Variants in ARHGAP21 observed in about 807,000 individuals in gnomAD.
The protein encoded by ARHGAP21 is Rho GTPase activating protein 21.
In ARHGAP21, 38 loss-of-function variants were observed where a neutral mutation model predicts 164.6. The observed-to-expected ratio is 0.23, with a 90% CI of 0.18 to 0.30. The LOEUF (loss-of-function observed/expected upper bound fraction) is 0.30. Among genes scored for constraint, ARHGAP21 ranks in the 10% least tolerant of loss-of-function variants. The pLI is 1.00. For synonymous variants in ARHGAP21, 766 were observed against 857.9 expected (o/e 0.89, Z 1.87); for missense variants, 1,822 against 2,370.7 (o/e 0.77, Z 4.81).
Position 24,586,117 on chromosome 10 carries a change from A to G in ARHGAP21, c.4183-11T>C, listed in dbSNP as rs2076091241. ...AGATCCCCAAGAACCCTGGGAAGCA[A>G]GAGAGAAGAAAGACTCTGAGCATAA... On this transcript the variant is annotated splice_polypyrimidine_tract_variant and intron_variant, in intron 25 of 25. Coordinates refer to ENST00000396432, the MANE Select transcript of ARHGAP21 (RefSeq NM_020824.4). The G allele has an allele frequency of 3.2e-6, 5 of 1,559,144 alleles. No individual in the cohort carries two copies. The South Asian group carries it at 4.9e-5, about 15-fold the overall frequency.
chr10:24,637,349 A>G (rs1836485388), intron 4 of ARHGAP21, among the ~76,000 whole-genome samples: 1 of 152,226 alleles, frequency 6.6e-6, no homozygotes, highest in Non-Finnish European at 1.5e-5. Context: ...GGTCAATCTA[A>G]TATTTACAAT....
At chr10:24,667,100 TC>T in intron 3 of ARHGAP21, 91 bp from the exon 4 acceptor site, 1 of 663,348 alleles carries the variant, frequency 1.5e-6, no homozygotes, top group Non-Finnish European at 2.4e-6. Flanking sequence ...CAAATCGACC[TC>T]CCCAGATTGT....
rs932088147 is a variant in ARHGAP21 at position 24,591,997 on chromosome 10, G to A, written c.3892C>T (p.Leu1298=). The A allele has an allele frequency of 2.5e-6, 4 of 1,601,890 alleles. No individual in the cohort carries two copies. The highest frequency in any genetic ancestry group is 3.4e-6 in the Non-Finnish European group (4 of 1,175,664). The part of the protein sequence containing the change: ...SEKNKMEPRN[L]AIVFGPTLVR... ...AGGGTGGGACCAAACACTATTGCTA[G>A]GTTTCTTGGTTCCATCTGAAAGAAA... The change falls in exon 22 of 26, where the codon CTA becomes TTA. Residue 1298 remains leucine (L), a synonymous_variant. Transcript: ENST00000396432.
intron 21 of ARHGAP21, 93 bp downstream of exon 21, chr10:24,594,857 A>G (rs2076510384): frequency 3.8e-6 from 4 of 1,059,258 alleles, no homozygotes; most frequent in African/African-American, 3.2e-5. Context: ...TGAATTACAA[A>G]CCTTTTATTG....
intron 19 of ARHGAP21, among the ~76,000 whole-genome samples, 179 bp downstream of exon 19, chr10:24,595,537 TA>T (rs2076544400): frequency 6.6e-6 from 1 of 152,208 alleles, no homozygotes; most frequent in South Asian, 2.1e-4. Context: ...ATGAACAAGA[TA>T]ATACATATTT....
At chr10:24,588,661 A>G (rs775890521) in intron 25 of ARHGAP21, among the ~76,000 whole-genome samples, 2 of 152,198 alleles carry the variant, frequency 1.3e-5, no homozygotes, top group African/African-American at 2.4e-5. Context: ...AGATCCACTG[A>G]CTTGACAAAA....
At chr10:24,672,292 C>CGT (rs1393404355) in intron 2 of ARHGAP21, among the ~76,000 whole-genome samples, 4 of 152,088 alleles carry the variant, frequency 2.6e-5, no homozygotes, top group Non-Finnish European at 5.9e-5. Flanking sequence ...TTGGCACAGG[C>CGT]GTCACCTCCT....
At chr10:24,591,451 T>A in intron 23 of ARHGAP21, 121 bp from the exon 24 acceptor site, 1 of 1,106,844 alleles carries the variant, frequency 9.0e-7, no homozygotes, top group Non-Finnish European at 1.3e-6. Flanking sequence ...TGTGTTTACA[T>A]TGTTTACGCA....
intron 24 of ARHGAP21, chr10:24,589,960 T>G (rs1369357345): frequency 6.0e-6 from 1 of 167,822 alleles, no homozygotes; most frequent in Non-Finnish European, 1.2e-5. Context: ...AATTATCTAT[T>G]AACAAATGCT....
At chr10:24,613,370 G>C (rs1408478406) in intron 9 of ARHGAP21, among the ~76,000 whole-genome samples, 1 of 152,060 alleles carries the variant, frequency 6.6e-6, no homozygotes, top group Non-Finnish European at 1.5e-5. Flanking sequence ...CTGGTGATGG[G>C]TGCCCATCAC....
At chr10:24,602,617 A>G (rs1192669222) in intron 12 of ARHGAP21, among the ~76,000 whole-genome samples, 1 of 152,238 alleles carries the variant, frequency 6.6e-6, no homozygotes, top group Non-Finnish European at 1.5e-5. Flanking sequence ...ATCAATAAAC[A>G]GCTAATTCTA....
chr10:24,723,666 C>G lies in ARHGAP21; in HGVS notation c.-485G>C, dbSNP rs1382874170. On this transcript the variant is annotated 5_prime_UTR_variant, in exon 1 of 26. Transcript: ENST00000396432. Reference sequence around the variant, plus strand: ...GCCGGACCCCGCAGCCGGACGATCCCGCGCTGCCCGCCGCCGCCGCCGCCG... The same window carrying G: ...GCCGGACCCCGCAGCCGGACGATCCGGCGCTGCCCGCCGCCGCCGCCGCCG... The G allele has an allele frequency of 6.8e-6, 1 of 146,844 alleles. No individual in the cohort carries two copies. Among genetic ancestry groups the G allele is most frequent in the Non-Finnish European group, 1.5e-5 (1 of 66,932 alleles). The allele number at this position is 146,844 out of a possible 1,614,324, so 9.1% of individuals were successfully genotyped here. A position where few individuals can be genotyped will look rare whatever the true frequency, so the allele number is the denominator to read the frequency against.
chr10:24,668,880 T>C (rs1407164497), intron 3 of ARHGAP21, among the ~76,000 whole-genome samples: 6 of 152,178 alleles, frequency 3.9e-5, no homozygotes, highest in African/African-American at 2.4e-5. Flanking sequence ...ACTACCTATA[T>C]GTTCATCATG....
At chr10:24,657,155 G>A (rs1344791292) in intron 4 of ARHGAP21, among the ~76,000 whole-genome samples, 7 of 26,982 alleles carry the variant, frequency 2.6e-4, no homozygotes, top group African/African-American at 8.5e-4. Flanking sequence ...CAGCCGCCCC[G>A]TCCGGGAGGT....
intron 4 of ARHGAP21, among the ~76,000 whole-genome samples, chr10:24,636,485 GA>G (rs1836396181): frequency 6.6e-6 from 1 of 152,198 alleles, no homozygotes; most frequent in Admixed American, 6.5e-5. Context: ...ATGTAACTGA[GA>G]AAATAAGGCA....
intron 24 of ARHGAP21, 89 bp from the exon 25 acceptor site, chr10:24,589,391 A>T: frequency 1.6e-6 from 2 of 1,236,434 alleles, no homozygotes; most frequent in Admixed American, 4.5e-5. Context: ...AGACAGGCAC[A>T]GAACAAAATG....
chr10:24,611,636 G>A (rs2077267012), intron 9 of ARHGAP21, among the ~76,000 whole-genome samples: 1 of 152,004 alleles, frequency 6.6e-6, no homozygotes, highest in Non-Finnish European at 1.5e-5. Flanking sequence ...CCTGGGAGGT[G>A]GAGGCTGCAG....
In ARHGAP21 at chr10:24,591,103, G is replaced by A; in HGVS notation, c.4150+122C>T. On this transcript the variant is annotated intron_variant, in intron 24 of 25. Transcript: ENST00000396432. ...AAAGGAAGATTAAGGTTTTTTATTA[G>A]TAGAAAGGAAGAGAAAAAGAAAAAA... The A allele has an allele frequency of 3.9e-6, 4 of 1,027,498 alleles. No individual in the cohort carries two copies. In the South Asian group the frequency reaches 5.2e-5, roughly 13 times the overall value. The allele number at this position is 1,027,498 out of a possible 1,614,324, so 63.6% of individuals were successfully genotyped here. A position where few individuals can be genotyped will look rare whatever the true frequency, so the allele number is the denominator to read the frequency against.
intron 2 of ARHGAP21, among the ~76,000 whole-genome samples, chr10:24,707,806 C>G (rs1285001281): frequency 6.6e-6 from 1 of 152,144 alleles, no homozygotes; most frequent in African/African-American, 2.4e-5. Context: ...AATTCAGACC[C>G]CCATCAACTT....
Sources: allele counts gnomAD v4.1 joint callset (sites outside exome capture counted in the v4.1 genomes callset), GRCh38; gene constraint gnomAD v4.1.1; transcripts MANE v1.5; gene names NCBI Gene and HGNC (gene_info 2026-07-23, HGNC 2026-07-21).